GRID2: variants seen among roughly 807,000 people sequenced by gnomAD.
GRID2 encodes the protein glutamate ionotropic receptor delta type subunit 2.
In GRID2, 33 loss-of-function variants were observed where a neutral mutation model predicts 114.8. The ratio of observed to expected loss-of-function variants is 0.29; its 90% confidence interval spans 0.22 to 0.38. GRID2 has a LOEUF of 0.38. Ranked by LOEUF, GRID2 falls within the 10% of genes least tolerant of loss-of-function variation. GRID2 has a pLI of 1.00. For synonymous variants in GRID2, 505 were observed against 449.9 expected (o/e 1.12, Z -1.55); for missense variants, 1,184 against 1,257.7 (o/e 0.94, Z 0.89).
chr4:92,423,989 T>G (rs9993173), intron 1 of GRID2, among the ~76,000 whole-genome samples: 55,031 of 151,920 alleles, frequency 0.36, 11,105 homozygotes, highest in African/African-American at 0.55. Flanking sequence ...GCTTCTATGC[T>G]CTTCAAGTAG....
At chr4:93,608,087 T>C (rs1178766933) in intron 13 of GRID2, among the ~76,000 whole-genome samples, 2 of 144,546 alleles carry the variant, frequency 1.4e-5, no homozygotes, top group Non-Finnish European at 3.0e-5. Flanking sequence ...TGCATATATA[T>C]ACACATATAT....
chr4:93,292,823 A>G (rs1753888930), intron 8 of GRID2, among the ~76,000 whole-genome samples: 1 of 152,110 alleles, frequency 6.6e-6, no homozygotes, highest in Non-Finnish European at 1.5e-5. Context: ...CCTCCTTAAT[A>G]TAGGTCCCCT....
intron 4 of GRID2, among the ~76,000 whole-genome samples, chr4:93,166,759 C>T (rs1031793896): frequency 1.3e-5 from 2 of 152,134 alleles, no homozygotes; most frequent in African/African-American, 2.4e-5. Flanking sequence ...TCTGTTCTCT[C>T]TGTGCTTGGT....
chr4:93,118,395 T>G (rs559129410), intron 4 of GRID2, among the ~76,000 whole-genome samples: 1 of 152,312 alleles, frequency 6.6e-6, no homozygotes, highest in Non-Finnish European at 1.5e-5. Flanking sequence ...TCAACAATGA[T>G]AAGGGACGTT....
intron 4 of GRID2, among the ~76,000 whole-genome samples, chr4:93,112,401 G>A (rs1298376005): frequency 6.6e-6 from 1 of 152,062 alleles, no homozygotes; most frequent in African/African-American, 2.4e-5. Context: ...GATCATGGGG[G>A]CGGTTTCCCC....
intron 14 of GRID2, among the ~76,000 whole-genome samples, chr4:93,714,142 G>A (rs113097118): frequency 0.042 from 6,401 of 151,704 alleles, 221 homozygotes; most frequent in African/African-American, 0.085. Flanking sequence ...CCCTGTGTCC[G>A]TGCGTTCTCA....
At chr4:93,730,510 G>T (rs1730384141) in intron 14 of GRID2, among the ~76,000 whole-genome samples, 1 of 152,190 alleles carries the variant, frequency 6.6e-6, no homozygotes, top group South Asian at 2.1e-4. Flanking sequence ...ATCTCTTCCT[G>T]CAGTAGTGTA....
At chr4:92,723,597 T>C (rs190260526) in intron 2 of GRID2, among the ~76,000 whole-genome samples, 378 of 152,296 alleles carry the variant, frequency 2.5e-3, no homozygotes, top group African/African-American at 8.6e-3. Context: ...CTTTGAGGCA[T>C]TAGGTAGTTA....
At chr4:92,626,070 A>G (rs1730507283) in intron 2 of GRID2, among the ~76,000 whole-genome samples, 1 of 151,988 alleles carries the variant, frequency 6.6e-6, no homozygotes, top group African/African-American at 2.4e-5. Context: ...AAAATACAAA[A>G]ATAATATTTT....
intron 2 of GRID2, among the ~76,000 whole-genome samples, chr4:93,047,113 T>G: frequency 6.6e-6 from 1 of 151,908 alleles, no homozygotes; most frequent in East Asian, 1.9e-4. Context: ...ACCAGATTAA[T>G]ACCAAAATGA....
chr4:92,810,245 C>CT (rs1006068464), intron 2 of GRID2, among the ~76,000 whole-genome samples: 434 of 142,508 alleles, frequency 3.0e-3, no homozygotes, highest in East Asian at 0.017. Context: ...TTAGGATGCA[C>CT]TTTTTTTTTT....
intron 2 of GRID2, among the ~76,000 whole-genome samples, chr4:93,080,903 C>T (rs1186288297): frequency 6.6e-6 from 1 of 152,126 alleles, no homozygotes; most frequent in Admixed American, 6.6e-5. Context: ...GCTGTGTCAT[C>T]CTATGGAGGA....
chr4:93,158,968 G>C (rs959587721), intron 4 of GRID2, among the ~76,000 whole-genome samples: 8 of 151,052 alleles, frequency 5.3e-5, no homozygotes, highest in Admixed American at 2.0e-4. Flanking sequence ...ATGTTGCTTT[G>C]GTACAAAGAT....
intron 13 of GRID2, among the ~76,000 whole-genome samples, chr4:93,559,240 T>A (rs1002377823): frequency 1.3e-5 from 2 of 152,068 alleles, no homozygotes; most frequent in Non-Finnish European, 2.9e-5. Flanking sequence ...ACAAATATGA[T>A]CTAATTAAAC....
intron 2 of GRID2, among the ~76,000 whole-genome samples, chr4:93,068,492 A>ATTT (rs1279074018): frequency 1.3e-5 from 2 of 152,066 alleles, no homozygotes; most frequent in African/African-American, 4.8e-5. Flanking sequence ...CGTTAAAACA[A>ATTT]TTTCTATGGA....
At chr4:92,746,248 G>T (rs1386711862) in intron 2 of GRID2, among the ~76,000 whole-genome samples, 1 of 151,994 alleles carries the variant, frequency 6.6e-6, no homozygotes, top group Admixed American at 6.6e-5. Flanking sequence ...AAACTCAAGG[G>T]TAACTTCAAG....
intron 1 of GRID2, among the ~76,000 whole-genome samples, chr4:92,570,824 T>C (rs1727575175): frequency 6.6e-6 from 1 of 152,084 alleles, no homozygotes; most frequent in Non-Finnish European, 1.5e-5. Context: ...GCTAAAATTG[T>C]GTATCAGTTT....
intron 2 of GRID2, among the ~76,000 whole-genome samples, chr4:92,957,504 A>T (rs1212056687): frequency 6.6e-6 from 1 of 151,640 alleles, no homozygotes; most frequent in Non-Finnish European, 1.5e-5. Context: ...TGTTCCATTG[A>T]TCTATTTGTC....
At chr4:93,267,946 C>A (rs1751035101) in intron 8 of GRID2, among the ~76,000 whole-genome samples, 1 of 152,142 alleles carries the variant, frequency 6.6e-6, no homozygotes, top group Non-Finnish European at 1.5e-5. Context: ...CAAGTCAGAT[C>A]TGGGGTGTGG....
Sources: allele counts gnomAD v4.1 joint callset (sites outside exome capture counted in the v4.1 genomes callset), GRCh38; gene constraint gnomAD v4.1.1; transcripts MANE v1.5; gene names NCBI Gene and HGNC (gene_info 2026-07-23, HGNC 2026-07-21).